The following ANO3 variants were observed in gnomAD, a reference collection of about 807,000 sequenced individuals.
The protein encoded by ANO3 is anoctamin-3.
ANO3 carries 99 observed loss-of-function variants against 144.8 expected under a neutral mutation model. The observed-to-expected ratio is 0.68, with a 90% CI of 0.58 to 0.81. ANO3 has a LOEUF of 0.81. Among genes scored for constraint, ANO3 ranks in the 30% least tolerant of loss-of-function variants. The probability of loss-of-function intolerance (pLI) is 0.00; values close to 1 mark genes in which losing one functional copy is unlikely to be tolerated. For synonymous variants in ANO3, 414 were observed against 392.6 expected (o/e 1.05, Z -0.64); for missense variants, 905 against 1,202.2 (o/e 0.75, Z 3.66).
intron 14 of ANO3, among the ~76,000 whole-genome samples, chr11:26,597,771 A>G (rs1490179634): frequency 6.6e-6 from 1 of 152,212 alleles, no homozygotes; most frequent in Non-Finnish European, 1.5e-5. Context: ...GAAAAAAAAT[A>G]AAACAGCAAT....
intron 1 of ANO3, among the ~76,000 whole-genome samples, chr11:26,397,591 ATAT>A (rs377284051): frequency 0.014 from 2,089 of 152,134 alleles, 16 homozygotes; most frequent in Non-Finnish European, 0.018. Flanking sequence ...ATAATTGTAA[ATAT>A]TATTAGGGTG....
chr11:26,476,528 AG>A (rs1173146078), intron 4 of ANO3, among the ~76,000 whole-genome samples: 2 of 152,072 alleles, frequency 1.3e-5, no homozygotes, highest in African/African-American at 4.8e-5. Flanking sequence ...GAGGTGAGAG[AG>A]AGGTGAGCAG....
chr11:26,389,934 T>C (rs1856832685), intron 1 of ANO3, among the ~76,000 whole-genome samples: 2 of 152,112 alleles, frequency 1.3e-5, no homozygotes. Context: ...CAGAAGCATA[T>C]ACTGAGCTGC....
intron 17 of ANO3, among the ~76,000 whole-genome samples, chr11:26,621,385 T>C (rs1310891401): frequency 6.6e-6 from 1 of 152,146 alleles, no homozygotes; most frequent in African/African-American, 2.4e-5. Flanking sequence ...ATACATCAAG[T>C]CTGTGCCAGA....
intron 20 of ANO3, among the ~76,000 whole-genome samples, chr11:26,637,502 A>G (rs368628177): frequency 1.3e-5 from 2 of 152,190 alleles, no homozygotes; most frequent in African/African-American, 4.8e-5. Context: ...CTGAGTCTCT[A>G]CAAAAATGAA....
chr11:26,431,162 A>T (rs1299217853), intron 1 of ANO3, among the ~76,000 whole-genome samples: 2 of 152,242 alleles, frequency 1.3e-5, no homozygotes, highest in East Asian at 3.8e-4. Flanking sequence ...AAAAGACCTT[A>T]TGTGACTGAT....
intron 1 of ANO3, among the ~76,000 whole-genome samples, chr11:26,414,912 C>T (rs570771627): frequency 1.4e-4 from 21 of 151,774 alleles, no homozygotes; most frequent in African/African-American, 4.1e-4. Flanking sequence ...GTTTTAATTC[C>T]GAAAAATTGT....
intron 1 of ANO3, among the ~76,000 whole-genome samples, chr11:26,207,162 T>C (rs1428950151): frequency 6.6e-6 from 1 of 152,178 alleles, no homozygotes; most frequent in Non-Finnish European, 1.5e-5. Context: ...CTATATTGCA[T>C]ACGTAAAAAT....
At chr11:26,516,733 AG>A in intron 5 of ANO3, 93 bp from the exon 6 acceptor site, 1 of 796,788 alleles carries the variant, frequency 1.3e-6, no homozygotes, top group South Asian at 1.9e-5. Context: ...TGCATAGTCA[AG>A]GGGACAATGT....
chr11:26,219,132 T>C (rs1389037508), intron 1 of ANO3, among the ~76,000 whole-genome samples: 1 of 152,162 alleles, frequency 6.6e-6, no homozygotes, highest in Non-Finnish European at 1.5e-5. Context: ...ACATCCACCA[T>C]GAATTGTGAC....
intron 1 of ANO3, among the ~76,000 whole-genome samples, chr11:26,223,854 G>T (rs1300933886): frequency 6.6e-6 from 1 of 152,030 alleles, no homozygotes; most frequent in Non-Finnish European, 1.5e-5. Flanking sequence ...AAGTGAACTG[G>T]TAGAGAGAGA....
chr11:26,302,193 G>C (rs1854249547), intron 1 of ANO3, among the ~76,000 whole-genome samples: 1 of 152,082 alleles, frequency 6.6e-6, no homozygotes. Flanking sequence ...TAGTGTATGA[G>C]AGTTTATTTA....
chr11:26,653,046 T>C (rs1396680886), intron 24 of ANO3, among the ~76,000 whole-genome samples: 1 of 152,212 alleles, frequency 6.6e-6, no homozygotes, highest in East Asian at 1.9e-4. Context: ...AGTTTTGGAG[T>C]TCCCCAAGGG....
At chr11:26,248,276 C>G (rs1327058854) in intron 1 of ANO3, among the ~76,000 whole-genome samples, 1 of 151,696 alleles carries the variant, frequency 6.6e-6, no homozygotes, top group African/African-American at 2.4e-5. Flanking sequence ...AGGCGGAGGT[C>G]GTGGTGAGCC....
chr11:26,242,308 T>C (rs11029418), intron 1 of ANO3, among the ~76,000 whole-genome samples: 2,529 of 152,300 alleles, frequency 0.017, 56 homozygotes, highest in East Asian at 0.13. Flanking sequence ...TTCCTACTTC[T>C]ATTGTTTCAT....
intron 2 of ANO3, among the ~76,000 whole-genome samples, chr11:26,442,809 C>T (rs957846626): frequency 6.6e-6 from 1 of 152,118 alleles, no homozygotes; most frequent in Non-Finnish European, 1.5e-5. Context: ...CTCTGTCGCC[C>T]AGGCTGGAGT....
chr11:26,250,188 T>G (rs1343398713), intron 1 of ANO3, among the ~76,000 whole-genome samples: 1 of 152,240 alleles, frequency 6.6e-6, no homozygotes, highest in Non-Finnish European at 1.5e-5. Flanking sequence ...GCCTGCTCAT[T>G]AACCTCTGAA....
At chr11:26,350,149 T>G (rs767248372) in intron 1 of ANO3, among the ~76,000 whole-genome samples, 3 of 152,042 alleles carry the variant, frequency 2.0e-5, no homozygotes, top group Non-Finnish European at 2.9e-5. Flanking sequence ...AGAAGCCAAT[T>G]CAACTATTGA....
chr11:26,401,089 T>A (rs1321091577), intron 1 of ANO3, among the ~76,000 whole-genome samples: 2 of 151,954 alleles, frequency 1.3e-5, no homozygotes, highest in South Asian at 2.1e-4. Context: ...GAACAGGACA[T>A]CTGTATAAAA....
Sources: allele counts gnomAD v4.1 joint callset (sites outside exome capture counted in the v4.1 genomes callset), GRCh38; gene constraint gnomAD v4.1.1; transcripts MANE v1.5; gene names NCBI Gene and HGNC (gene_info 2026-07-23, HGNC 2026-07-21).